CNBD1: variants seen among roughly 807,000 people sequenced by gnomAD.
The protein encoded by CNBD1 is cyclic nucleotide-binding domain-containing protein 1.
CNBD1 carries 71 observed loss-of-function variants against 54.4 expected under a neutral mutation model. The observed-to-expected ratio is 1.30, with a 90% CI of 1.08 to 1.59. The LOEUF is 1.59. Among genes scored for constraint, CNBD1 ranks in the 40% most tolerant of loss-of-function variants. The pLI is 0.00. For missense variants in CNBD1, 659 were observed against 518.0 expected (o/e 1.27, Z -2.64); for synonymous variants, 182 against 170.7 (o/e 1.07, Z -0.51).
At chr8:87,339,845 A>T (rs567515649) in intron 8 of CNBD1, among the ~76,000 whole-genome samples, 1 of 152,082 alleles carries the variant, frequency 6.6e-6, no homozygotes, top group East Asian at 1.9e-4. Flanking sequence ...CTGTTTATTT[A>T]TTAACGTATT....
At chr8:87,081,489 A>AT (rs1163499910) in intron 4 of CNBD1, among the ~76,000 whole-genome samples, 1 of 147,284 alleles carries the variant, frequency 6.8e-6, no homozygotes, top group Admixed American at 6.9e-5. Context: ...TGGGTGGACT[A>AT]TTTTTTGTTT....
At chr8:87,328,404 T>A (rs1488584864) in intron 8 of CNBD1, among the ~76,000 whole-genome samples, 6 of 151,980 alleles carry the variant, frequency 3.9e-5, no homozygotes, top group Admixed American at 2.6e-4. Flanking sequence ...TATAATTTTT[T>A]AAATTATGTT....
intron 4 of CNBD1, among the ~76,000 whole-genome samples, chr8:86,943,365 CAAAAAAAAAAAAA>C (rs1158061860): frequency 6.1e-5 from 2 of 32,578 alleles, no homozygotes; most frequent in African/African-American, 1.1e-4. Context: ...GACTCCATCT[CAAAAAAAAAAAAA>C]AAAAAAAAAA....
At chr8:87,296,413 G>C (rs918915145) in intron 8 of CNBD1, among the ~76,000 whole-genome samples, 2 of 152,098 alleles carry the variant, frequency 1.3e-5, no homozygotes, top group African/African-American at 4.8e-5. Flanking sequence ...GGGGGAAGAA[G>C]TGAAAATAGA....
At chr8:87,164,515 G>A (rs1812921708) in intron 4 of CNBD1, among the ~76,000 whole-genome samples, 2 of 151,516 alleles carry the variant, frequency 1.3e-5, no homozygotes, top group South Asian at 4.1e-4. Context: ...CCATGAATCA[G>A]TTCTGGTAGG....
At chr8:87,096,233 A>G (rs1036903690) in intron 4 of CNBD1, among the ~76,000 whole-genome samples, 1 of 152,062 alleles carries the variant, frequency 6.6e-6, no homozygotes, top group Non-Finnish European at 1.5e-5. Context: ...TGGGAAGTTT[A>G]AGTTCAATGT....
In CNBD1 at chr8:87,137,118, ATT is replaced by A. The variant is rs1248221584; in HGVS notation, c.432-68871_432-68870del. ...ATTATATGTAAATTATATATATTAT[ATT>A]TTTATTATATATAAATTATATATAT... On this transcript the variant is annotated intron_variant, in intron 4 of 10. Transcript: ENST00000518476. Among the ~76,000 whole-genome samples the A allele has an allele frequency of 4.2e-3, 532 of 126,172 alleles. 2 individuals carry two copies. The highest frequency in any genetic ancestry group is 6.3e-3 in the Non-Finnish European group (394 of 62,196). 82.8% of individuals were successfully genotyped at this position (126,172 alleles called of 152,430 possible). A position where few individuals can be genotyped will look rare whatever the true frequency, so the allele number is the denominator to read the frequency against.
At chr8:87,228,569 G>A (rs1337509829) in intron 5 of CNBD1, among the ~76,000 whole-genome samples, 2 of 150,746 alleles carry the variant, frequency 1.3e-5, no homozygotes, top group African/African-American at 5.0e-5. Flanking sequence ...CAGGGGTCAG[G>A]GACCCACTTG....
intron 4 of CNBD1, among the ~76,000 whole-genome samples, chr8:87,034,364 C>G (rs1412403289): frequency 6.6e-6 from 1 of 152,214 alleles, no homozygotes; most frequent in Non-Finnish European, 1.5e-5. Flanking sequence ...CTGGAGAGAA[C>G]TGCTCATGAG....
At chr8:87,354,037 C>T (rs140534278) in intron 10 of CNBD1, among the ~76,000 whole-genome samples, 3 of 152,020 alleles carry the variant, frequency 2.0e-5, no homozygotes, top group East Asian at 2.0e-4. Context: ...GACTTGATGC[C>T]GAGGTTTGAT....
chr8:87,158,670 G>T (rs924196802), intron 4 of CNBD1, among the ~76,000 whole-genome samples: 3 of 152,142 alleles, frequency 2.0e-5, no homozygotes, highest in African/African-American at 7.2e-5. Context: ...TCCAGAGACA[G>T]ACATGTCTGT....
In CNBD1 at chr8:87,298,415, ACACCCTGACC is replaced by A. The variant is rs1242325966; in HGVS notation, c.1042+11747_1042+11756del. On this transcript the variant is annotated intron_variant, in intron 8 of 10. Transcript: ENST00000518476. ...GGCTACTCCTCACCCCATGATCACT[ACACCCTGACC>A]CATTGAACAACATAAATGGATATTC... Among the ~76,000 whole-genome samples, 4 of 151,746 alleles carry A rather than the reference ACACCCTGACC, an allele frequency of 2.6e-5. No individual in the cohort carries two copies. In the East Asian group the frequency reaches 7.8e-4, roughly 29 times the overall value.
chr8:87,350,484 G>T (rs1810263748), intron 8 of CNBD1, among the ~76,000 whole-genome samples: 1 of 151,606 alleles, frequency 6.6e-6, no homozygotes, highest in Non-Finnish European at 1.5e-5. Context: ...TTTGCTGGTG[G>T]TAAATTATAT....
chr8:87,303,059 G>T (rs1381747455), intron 8 of CNBD1, among the ~76,000 whole-genome samples: 5 of 151,836 alleles, frequency 3.3e-5, no homozygotes, highest in Non-Finnish European at 5.9e-5. Context: ...TGGCCATACT[G>T]CCCAAGGTAA....
intron 3 of CNBD1, among the ~76,000 whole-genome samples, chr8:86,922,814 G>A (rs771606510): frequency 3.3e-5 from 5 of 152,104 alleles, no homozygotes; most frequent in African/African-American, 4.8e-5. Context: ...TGGTAGAGAT[G>A]TTCTAATTTA....
intron 8 of CNBD1, among the ~76,000 whole-genome samples, chr8:87,295,730 T>C (rs570824979): frequency 1.3e-5 from 2 of 152,242 alleles, no homozygotes; most frequent in South Asian, 4.1e-4. Context: ...TTGTGTCTCC[T>C]GACATTTAGA....
At chr8:87,062,256 C>T (rs1810562633) in intron 4 of CNBD1, among the ~76,000 whole-genome samples, 2 of 152,016 alleles carry the variant, frequency 1.3e-5, no homozygotes, top group African/African-American at 4.8e-5. Flanking sequence ...TTTTTCAGTA[C>T]TGTCATTTTA....
At chr8:87,227,877 C>G (rs1333099519) in intron 5 of CNBD1, among the ~76,000 whole-genome samples, 1 of 148,372 alleles carries the variant, frequency 6.7e-6, no homozygotes, top group East Asian at 1.9e-4. Context: ...TTCAGGTACA[C>G]CAGTCAGACG....
chr8:87,241,996 C>A (rs1015516350), intron 6 of CNBD1, among the ~76,000 whole-genome samples: 1 of 152,078 alleles, frequency 6.6e-6, no homozygotes, highest in Non-Finnish European at 1.5e-5. Context: ...CAAAGTTAAC[C>A]TGAAAAACTA....
Sources: allele counts gnomAD v4.1 joint callset (sites outside exome capture counted in the v4.1 genomes callset), GRCh38; gene constraint gnomAD v4.1.1; transcripts MANE v1.5; gene names NCBI Gene and HGNC (gene_info 2026-07-23, HGNC 2026-07-21).